DOCK8: variants seen among roughly 807,000 people sequenced by gnomAD.
The protein encoded by DOCK8 is dedicator of cytokinesis 8, also known as dedicator of cytokinesis protein 8.
In DOCK8, 141 loss-of-function variants were observed where a neutral mutation model predicts 245.6. That is an observed-to-expected ratio of 0.57 (90% CI 0.50 to 0.66). DOCK8 has a LOEUF of 0.66. DOCK8 is among the 30% of genes least tolerant of loss of function. DOCK8 has a pLI of 0.00. For missense variants in DOCK8, 2,965 were observed against 2,603.4 expected, an observed-to-expected ratio of 1.14 and a Z score of -3.02; for synonymous variants, 1,168 against 970.2, an observed-to-expected ratio of 1.20 and a Z score of -3.79.
chr9:308,473 C>T (rs1320333648), intron 5 of DOCK8, among the ~76,000 whole-genome samples: 1 of 152,190 alleles, frequency 6.6e-6, no homozygotes, highest in African/African-American at 2.4e-5. Context: ...CATTCTTGTG[C>T]ACCTTCTTAT....
chr9:226,994 A>G (rs537404921), intron 1 of DOCK8, among the ~76,000 whole-genome samples: 2 of 152,330 alleles, frequency 1.3e-5, no homozygotes, highest in Admixed American at 1.3e-4. Flanking sequence ...CTCTGCAGAG[A>G]TAAATGATCA....
chr9:219,875 T>A (rs574399), intron 1 of DOCK8, among the ~76,000 whole-genome samples: 79,899 of 151,958 alleles, frequency 0.53, 21,675 homozygotes, highest in East Asian at 0.74. Flanking sequence ...GCAGCCTGAG[T>A]GACAGAGCGA....
In DOCK8 at chr9:399,997, T is replaced by TCCACCATCA. The variant is rs1554691485; in HGVS notation, c.3234+744_3234+745insTCACCACCA. ...TCCACCATCACCACCTCCCACCACCTCCACCACCTCCACCATCACCACCAC... is the reference window on the plus strand; with the variant it reads ...TCCACCATCACCACCTCCCACCACCTCCACCATCACCACCACCTCCACCATCACCACCAC... On this transcript the variant is annotated intron_variant, in intron 26 of 47. Transcript: ENST00000432829. Among the ~76,000 whole-genome samples, 60 of 57,758 alleles carry TCCACCATCA rather than the reference T, an allele frequency of 1.0e-3. 1 individual carries two copies. The highest frequency in any genetic ancestry group is 2.8e-3 in the African/African-American group (34 of 12,146). 37.9% of individuals were successfully genotyped at this position (57,758 alleles called of 152,430 possible). A position where few individuals can be genotyped will look rare whatever the true frequency, so the allele number is the denominator to read the frequency against.
upstream of DOCK8, chr9:214,603 T>C: frequency 2.5e-6 from 4 of 1,613,946 alleles, no homozygotes; most frequent in Non-Finnish European, 3.4e-6. Context: ...TTCGGGCAGA[T>C]GGAGCTTCCG....
At chr9:401,212 G>A (rs942478537) in intron 26 of DOCK8, among the ~76,000 whole-genome samples, 1 of 152,186 alleles carries the variant, frequency 6.6e-6, no homozygotes, top group African/African-American at 2.4e-5. Flanking sequence ...AGAAGGGGGG[G>A]TTGAGAGATT....
At chr9:443,563 C>CGTTCTCTA in intron 43 of DOCK8, 47 bp downstream of exon 43, 1 of 1,437,934 alleles carries the variant, frequency 7.0e-7, no homozygotes, top group South Asian at 1.1e-5. Flanking sequence ...TAAATCCCTT[C>CGTTCTCTA]GTTCTCTACC....
intron 33 of DOCK8, among the ~76,000 whole-genome samples, chr9:426,460 A>G (rs1313937461): frequency 1.3e-5 from 2 of 152,088 alleles, no homozygotes; most frequent in African/African-American, 4.8e-5. Flanking sequence ...TTCACATCAC[A>G]TCCAGTCTCA....
At chr9:245,000 A>T (rs2131431311) in intron 1 of DOCK8, among the ~76,000 whole-genome samples, 1 of 152,152 alleles carries the variant, frequency 6.6e-6, no homozygotes, top group East Asian at 1.9e-4. Flanking sequence ...GGGTTTTCTG[A>T]CCACTGGCCA....
intron 7 of DOCK8, among the ~76,000 whole-genome samples, chr9:318,465 A>G (rs916126605): frequency 6.6e-6 from 1 of 152,178 alleles, no homozygotes; most frequent in Non-Finnish European, 1.5e-5. Context: ...CAAAATTCCT[A>G]CCTACCACAA....
Position 289,520 on chromosome 9 carries a change from G to A in DOCK8, c.343G>A (p.Asp115Asn), listed in dbSNP as rs140270895. The change falls in exon 4 of 48, where the codon GAC becomes AAC. Residue 115 changes from aspartate to asparagine, a missense_variant. Physicochemically the swap from Asp to Asn is conservative, Grantham distance 23 (BLOSUM62 1). This residue lies in a region of DOCK8 where 2,825 missense variants were observed against 2,453.5 expected (regional missense o/e 1.15). Coordinates refer to ENST00000432829, the MANE Select transcript of DOCK8 (RefSeq NM_203447.4). ...TTTCTACCTCATTAGGGTTGAACTG[G>A]ACCCTCATGTCAGGGACTGTGTTCA... The part of the protein sequence containing the change: ...PSLPEEGVEL[D>N]PHVRDCVQTY... The A allele has an allele frequency of 6.2e-7, 1 of 1,613,442 alleles. No individual in the cohort carries two copies. Among genetic ancestry groups the A allele is most frequent in the South Asian group, 1.1e-5 (1 of 91,056 alleles).
chr9:247,068 T>G (rs2047523188), intron 1 of DOCK8, among the ~76,000 whole-genome samples: 1 of 152,240 alleles, frequency 6.6e-6, no homozygotes, highest in South Asian at 2.1e-4. Flanking sequence ...GAGCTACAGA[T>G]AGGGAATATT....
chr9:356,390 C>T (rs2052446408), intron 14 of DOCK8, among the ~76,000 whole-genome samples: 2 of 151,988 alleles, frequency 1.3e-5, no homozygotes, highest in Non-Finnish European at 2.9e-5. Context: ...ACTAGCCAGG[C>T]GTGGTAGCAG....
chr9:388,969 A>G (rs528215263), intron 23 of DOCK8, among the ~76,000 whole-genome samples: 16 of 152,328 alleles, frequency 1.1e-4, no homozygotes, highest in African/African-American at 3.6e-4. Context: ...AGGGTGTTCA[A>G]ATAGCTTTAG....
chr9:403,992 GTGTA>G lies in DOCK8; in HGVS notation c.3235-924_3235-921del, dbSNP rs1270781552. Among the ~76,000 whole-genome samples, 99 of 68,442 alleles carry G rather than the reference GTGTA, an allele frequency of 1.4e-3. 2 individuals are homozygous for G. Among genetic ancestry groups the G allele is most frequent in the African/African-American group, 7.5e-3 (92 of 12,276 alleles). The allele number at this position is 68,442 out of a possible 152,430, so 44.9% of individuals were successfully genotyped here. ...TATATATATGTGTATATATATATAT[GTGTA>G]TATATATATATATATAGTTTAAAAA... On this transcript the variant is annotated intron_variant, in intron 26 of 47. Coordinates refer to ENST00000432829, the MANE Select transcript of DOCK8 (RefSeq NM_203447.4).
intron 25 of DOCK8, among the ~76,000 whole-genome samples, chr9:397,949 A>G (rs914512178): frequency 1.3e-5 from 2 of 152,218 alleles, no homozygotes; most frequent in African/African-American, 2.4e-5. Flanking sequence ...TAAAAGCTAA[A>G]ACATATATAA....
chr9:396,929 C>G lies in DOCK8; in HGVS notation c.3115C>G (p.Gln1039Glu), dbSNP rs760572653. ...AATTGCAGCCCTTTTAGTAAAACCA[C>G]AGAAGGTAACTGTATTTTACTCTTT... ...SEIAALLVKP[Q>E]KENEQAEKMN... The change falls in exon 25 of 48, where the codon CAG (glutamine) becomes GAG (glutamate). Residue 1039 changes from glutamine to glutamate, a missense_variant. By Grantham distance (29) the Gln-to-Glu change is conservative. Around this residue, in one of 3 missense-constraint regions of DOCK8, gnomAD observed 2,825 missense variants for 2,453.5 expected, o/e 1.15. Coordinates refer to ENST00000432829, the MANE Select transcript of DOCK8 (RefSeq NM_203447.4). The G allele has an allele frequency of 6.2e-7, 1 of 1,613,708 alleles. No homozygotes were observed.
chr9:366,148 C>G (rs889502359), intron 14 of DOCK8: 10 of 158,292 alleles, frequency 6.3e-5, no homozygotes, highest in African/African-American at 2.4e-4. Flanking sequence ...GAATTCTATG[C>G]TGATCCCTTC....
intron 5 of DOCK8, among the ~76,000 whole-genome samples, chr9:305,363 A>G (rs967541529): frequency 7.2e-5 from 11 of 151,832 alleles, no homozygotes; most frequent in African/African-American, 2.4e-4. Context: ...GCTCACTGCA[A>G]GCTCCGCCTC....
chr9:256,637 T>C (rs2047782972), intron 1 of DOCK8, among the ~76,000 whole-genome samples: 1 of 152,148 alleles, frequency 6.6e-6, no homozygotes. Flanking sequence ...TTTCCCTCAT[T>C]CTGGTCATCT....
Sources: gnomAD v4.1 joint callset for allele counts (sites outside exome capture counted in the v4.1 genomes callset) on GRCh38, gnomAD v4.1.1 for gene constraint, gnomAD v4.1.1 regional missense constraint, MANE v1.5 for transcripts, NCBI Gene and HGNC (gene_info 2026-07-23, HGNC 2026-07-21) for gene names.